Variants in ATOSA observed in about 807,000 individuals in gnomAD.
ATOSA encodes atos homolog protein A.
the ATOSA span, among the ~76,000 whole-genome samples, chr15:52,612,141 C>A: frequency 6.6e-6 from 1 of 152,010 alleles, no homozygotes; most frequent in Non-Finnish European, 1.5e-5. Context: ...CCCGCCAGCA[C>A]GCCAGACTAA....
At chr15:52,631,864 A>G in the ATOSA span, among the ~76,000 whole-genome samples, 1 of 152,196 alleles carries the variant, frequency 6.6e-6, no homozygotes, top group African/African-American at 2.4e-5. Context: ...CAGGCTCCCA[A>G]GTAGCTAGGA....
the ATOSA span, among the ~76,000 whole-genome samples, chr15:52,604,668 T>C: frequency 2.0e-5 from 3 of 152,186 alleles, no homozygotes; most frequent in East Asian, 5.8e-4. Flanking sequence ...CTAGGGGGAA[T>C]TCAGTGTGAC....
chr15:52,606,117 G>A, the ATOSA span, among the ~76,000 whole-genome samples: 2 of 151,924 alleles, frequency 1.3e-5, no homozygotes, highest in Non-Finnish European at 2.9e-5. Flanking sequence ...GATAAGGGGC[G>A]ACTACTGTAC....
chr15:52,653,308 C>T, the ATOSA span, among the ~76,000 whole-genome samples: 10 of 152,284 alleles, frequency 6.6e-5, no homozygotes, highest in African/African-American at 2.4e-4. Context: ...AATTTCATAT[C>T]AGACCCAGAA....
At chr15:52,646,557 G>T in the ATOSA span, among the ~76,000 whole-genome samples, 1 of 152,016 alleles carries the variant, frequency 6.6e-6, no homozygotes, top group Non-Finnish European at 1.5e-5. Flanking sequence ...AGGGATACTG[G>T]GTACTGTCCA....
At chr15:52,690,400 G>C in the ATOSA span, among the ~76,000 whole-genome samples, 3 of 152,118 alleles carry the variant, frequency 2.0e-5, no homozygotes, top group Non-Finnish European at 4.4e-5. Flanking sequence ...ATCTACATTT[G>C]TTTGCTTTCG....
chr15:52,701,077 C>G, the ATOSA span, among the ~76,000 whole-genome samples: 1 of 152,108 alleles, frequency 6.6e-6, no homozygotes, highest in African/African-American at 2.4e-5. Context: ...GAGACTATTC[C>G]TATCACATAA....
the ATOSA span, among the ~76,000 whole-genome samples, chr15:52,623,673 T>C: frequency 2.6e-5 from 4 of 152,176 alleles, no homozygotes; most frequent in South Asian, 2.1e-4. Context: ...GAAGTGACCA[T>C]TGAATTTGAC....
chr15:52,646,638 T>C, the ATOSA span, among the ~76,000 whole-genome samples: 1 of 152,108 alleles, frequency 6.6e-6, no homozygotes, highest in Non-Finnish European at 1.5e-5. Flanking sequence ...TCCCTTGAAG[T>C]GGGGGAAAAA....
chr15:52,687,871 G>T, the ATOSA span, among the ~76,000 whole-genome samples: 4 of 152,118 alleles, frequency 2.6e-5, no homozygotes, highest in East Asian at 7.7e-4. Flanking sequence ...TACATGAATT[G>T]CCCTAATGAA....
the ATOSA span, chr15:52,657,335 T>C: frequency 6.6e-6 from 1 of 152,218 alleles, no homozygotes; most frequent in Non-Finnish European, 1.5e-5. Flanking sequence ...CAATCTTGTG[T>C]AGGTGTAAGG....
the ATOSA span, among the ~76,000 whole-genome samples, chr15:52,694,463 C>A: frequency 2.0e-5 from 3 of 152,068 alleles, no homozygotes; most frequent in Non-Finnish European, 4.4e-5. Flanking sequence ...CCGCACCCGG[C>A]CTGCTGAGTA....
chr15:52,585,501 A>G, the ATOSA span, among the ~76,000 whole-genome samples: 1 of 152,190 alleles, frequency 6.6e-6, no homozygotes, highest in Admixed American at 6.5e-5. Flanking sequence ...ACTTTTTCCT[A>G]TCTGAACATT....
the ATOSA span, among the ~76,000 whole-genome samples, chr15:52,615,197 T>C: frequency 6.6e-6 from 1 of 152,224 alleles, no homozygotes; most frequent in African/African-American, 2.4e-5. Context: ...TGTGGTATTC[T>C]GGTTATTACA....
the ATOSA span, among the ~76,000 whole-genome samples, chr15:52,626,296 G>A: frequency 1.3e-4 from 19 of 151,994 alleles, no homozygotes; most frequent in African/African-American, 3.9e-4. Flanking sequence ...TAAGTACTAC[G>A]GGAAAAGTCT....
chr15:52,700,317 T>C, the ATOSA span, among the ~76,000 whole-genome samples: 1 of 152,194 alleles, frequency 6.6e-6, no homozygotes, highest in South Asian at 2.1e-4. Flanking sequence ...CCTACCCCTC[T>C]CTAGGTTTGT....
chr15:52,597,738 G>A, the ATOSA span, among the ~76,000 whole-genome samples: 1 of 152,194 alleles, frequency 6.6e-6, no homozygotes, highest in Non-Finnish European at 1.5e-5. Context: ...TAAATCAGGG[G>A]TGTCCAATCT....
the ATOSA span, chr15:52,587,709 A>G: frequency 1.3e-5 from 2 of 152,444 alleles, no homozygotes; most frequent in Non-Finnish European, 2.9e-5. Context: ...AAAAATAGAA[A>G]AGCAATTTGG....
At chr15:52,611,465 A>T in the ATOSA span, 1 of 1,265,178 alleles carries the variant, frequency 7.9e-7, no homozygotes, top group Non-Finnish European at 1.1e-6. Context: ...TACTATCTCA[A>T]TTTTATTACA....
Sources: gnomAD v4.1 joint callset for allele counts (sites outside exome capture counted in the v4.1 genomes callset) on GRCh38, gnomAD v4.1.1 for gene constraint, MANE v1.5 for transcripts, NCBI Gene and HGNC (gene_info 2026-07-23, HGNC 2026-07-21) for gene names.